The following ARK2N variants were observed in gnomAD, a reference collection of about 807,000 sequenced individuals.
ARK2N encodes the protein arkadia (RNF111) N-terminal like PKA signaling regulator 2N.
the ARK2N span, among the ~76,000 whole-genome samples, chr18:46,237,715 A>G: frequency 1.3e-5 from 2 of 152,136 alleles, no homozygotes; most frequent in Admixed American, 1.3e-4. Flanking sequence ...ATCTTACTTA[A>G]TTTTGGTTTC....
the ARK2N span, among the ~76,000 whole-genome samples, chr18:46,199,308 A>T: frequency 6.6e-6 from 1 of 151,852 alleles, no homozygotes; most frequent in Non-Finnish European, 1.5e-5. Context: ...TTTAATTTTT[A>T]AAAATTATTT....
the ARK2N span, chr18:46,239,918 A>G: frequency 4.1e-6 from 5 of 1,226,604 alleles, no homozygotes; most frequent in African/African-American, 4.5e-5. Context: ...TAATGAAGGC[A>G]ACTGACATTA....
At chr18:46,233,536 A>C in the ARK2N span, among the ~76,000 whole-genome samples, 1 of 152,174 alleles carries the variant, frequency 6.6e-6, no homozygotes, top group East Asian at 1.9e-4. Context: ...ACCCCACTTG[A>C]ATCAGAGGCT....
chr18:46,218,339 T>G, the ARK2N span: 1 of 152,232 alleles, frequency 6.6e-6, no homozygotes, highest in South Asian at 2.1e-4. Flanking sequence ...TAAATTAATT[T>G]GAATCTATAG....
At chr18:46,250,666 A>G in the ARK2N span, among the ~76,000 whole-genome samples, 2 of 151,892 alleles carry the variant, frequency 1.3e-5, no homozygotes, top group Non-Finnish European at 2.9e-5. Context: ...AATTCTTTAA[A>G]ATGCAAAACC....
the ARK2N span, among the ~76,000 whole-genome samples, chr18:46,205,842 T>C: frequency 6.6e-6 from 1 of 151,286 alleles, no homozygotes; most frequent in African/African-American, 2.4e-5. Context: ...CCTTCCACCT[T>C]AGCCTCCCTA....
chr18:46,196,419 G>A, the ARK2N span, among the ~76,000 whole-genome samples: 11 of 151,532 alleles, frequency 7.3e-5, no homozygotes, highest in East Asian at 3.9e-4. Context: ...CTGCCACCAC[G>A]CCCTGCTAAT....
At chr18:46,252,338 G>A in the ARK2N span, among the ~76,000 whole-genome samples, 1,043 of 151,734 alleles carry the variant, frequency 6.9e-3, 8 homozygotes, top group African/African-American at 0.023. Flanking sequence ...GTGCAGTGGC[G>A]CGATCTCGAC....
chr18:46,254,473 A>G, the ARK2N span, among the ~76,000 whole-genome samples: 1,039 of 152,352 alleles, frequency 6.8e-3, 14 homozygotes, highest in African/African-American at 0.024. Context: ...CCATAGGCCA[A>G]TTCTGGCCTG....
At chr18:46,186,765 C>G in the ARK2N span, among the ~76,000 whole-genome samples, 35 of 152,150 alleles carry the variant, frequency 2.3e-4, no homozygotes, top group African/African-American at 8.2e-4. Flanking sequence ...ACCTCGGCCT[C>G]CCAAAGTGCT....
chr18:46,266,887 A>G, the ARK2N span: 1 of 152,546 alleles, frequency 6.6e-6, no homozygotes, highest in Non-Finnish European at 1.5e-5. Context: ...TGTTATATAT[A>G]TATTTTTTGG....
the ARK2N span, among the ~76,000 whole-genome samples, chr18:46,215,540 A>T: frequency 7.2e-5 from 11 of 152,272 alleles, no homozygotes; most frequent in South Asian, 2.3e-3. Flanking sequence ...ACTTTAAATA[A>T]AATTGTAAAC....
chr18:46,231,736 C>A, the ARK2N span: 1 of 140,894 alleles, frequency 7.1e-6, no homozygotes, highest in East Asian at 2.1e-4. Context: ...ATTTTTCTTT[C>A]TTTTTTTTTT....
chr18:46,202,568 A>G, the ARK2N span, among the ~76,000 whole-genome samples: 4 of 152,126 alleles, frequency 2.6e-5, no homozygotes, highest in African/African-American at 9.7e-5. Context: ...AAGTTGGATC[A>G]CCTGAGGTCA....
At chr18:46,222,261 G>C in the ARK2N span, among the ~76,000 whole-genome samples, 2 of 152,168 alleles carry the variant, frequency 1.3e-5, no homozygotes, top group Non-Finnish European at 2.9e-5. Flanking sequence ...CTGTGAAACT[G>C]GTAGTCTGGT....
the ARK2N span, among the ~76,000 whole-genome samples, chr18:46,250,515 C>CACACACACACACACACAT: frequency 3.3e-5 from 5 of 151,608 alleles, no homozygotes; most frequent in Non-Finnish European, 7.4e-5. Flanking sequence ...CACACACACA[C>CACACACACACACACACAT]AGTATTTTCC....
chr18:46,196,437 A>G, the ARK2N span, among the ~76,000 whole-genome samples: 2 of 148,560 alleles, frequency 1.3e-5, no homozygotes, highest in African/African-American at 5.0e-5. Flanking sequence ...AATTTTTTGC[A>G]TTTTTAGTAG....
At chr18:46,262,558 C>T in the ARK2N span, among the ~76,000 whole-genome samples, 2 of 152,186 alleles carry the variant, frequency 1.3e-5, no homozygotes, top group Non-Finnish European at 2.9e-5. Flanking sequence ...TTTGTTCAGA[C>T]TAAGATTGTT....
At chr18:46,253,964 A>G in the ARK2N span, 4 of 1,011,128 alleles carry the variant, frequency 4.0e-6, no homozygotes, top group Non-Finnish European at 5.6e-6. Flanking sequence ...GTTTTGTTTA[A>G]GAAACACTTT....
Sources: gnomAD v4.1 joint callset for allele counts (sites outside exome capture counted in the v4.1 genomes callset) on GRCh38, gnomAD v4.1.1 for gene constraint, MANE v1.5 for transcripts, NCBI Gene and HGNC (gene_info 2026-07-23, HGNC 2026-07-21) for gene names.